Variants in CFAP77 observed in about 807,000 individuals in gnomAD.
CFAP77 encodes the protein cilia- and flagella-associated protein 77.
CFAP77 carries 25 observed loss-of-function variants against 31.1 expected under a neutral mutation model. The ratio of observed to expected loss-of-function variants is 0.80; its 90% CI spans 0.59 to 1.12. The LOEUF is 1.12. Ranked by LOEUF, CFAP77 falls within the 50% of genes most tolerant of loss-of-function variation. The pLI, the probability that CFAP77 is intolerant of heterozygous loss-of-function variation, is 0.00. For synonymous variants in CFAP77, 151 were observed against 159.9 expected (o/e 0.94, Z 0.42); for missense variants, 377 against 397.3 (o/e 0.95, Z 0.44).
intron 1 of CFAP77, among the ~76,000 whole-genome samples, chr9:132,422,995 G>A (rs1238144962): frequency 3.9e-5 from 6 of 152,184 alleles, no homozygotes; most frequent in African/African-American, 7.2e-5. Context: ...AGTCCGCCGC[G>A]CTCCGTATTT....
intron 1 of CFAP77, among the ~76,000 whole-genome samples, chr9:132,428,818 C>G (rs1338502795): frequency 1.3e-5 from 2 of 151,902 alleles, no homozygotes; most frequent in Non-Finnish European, 2.9e-5. Context: ...GAAGACCCCC[C>G]CCTGCTCTGC....
At chr9:132,451,151 A>T (rs575900319) in intron 1 of CFAP77, among the ~76,000 whole-genome samples, 2 of 152,224 alleles carry the variant, frequency 1.3e-5, no homozygotes, top group South Asian at 4.1e-4. Flanking sequence ...AGCCTGGCCA[A>T]CATGGTGAAA....
At chr9:132,441,771 A>G (rs1270242440) in intron 1 of CFAP77, among the ~76,000 whole-genome samples, 2 of 152,200 alleles carry the variant, frequency 1.3e-5, no homozygotes, top group Non-Finnish European at 1.5e-5. Context: ...ATCTTCTTCA[A>G]TGGCAAGGCT....
At chr9:132,482,693 G>A (rs927342361) in intron 1 of CFAP77, among the ~76,000 whole-genome samples, 3 of 151,284 alleles carry the variant, frequency 2.0e-5, no homozygotes, top group African/African-American at 4.9e-5. Context: ...TGTTGACATC[G>A]AGTGGGCGCT....
At chr9:132,519,556 A>G (rs188558012) in intron 3 of CFAP77, among the ~76,000 whole-genome samples, 1 of 98,152 alleles carries the variant, frequency 1.0e-5, no homozygotes, top group Non-Finnish European at 2.1e-5. Context: ...AGATGGATGA[A>G]TGGATGGATG....
At position 132,573,120 on chromosome 9, in the gene CFAP77, C is replaced by T. The variant is rs990864092; in HGVS notation, c.*610C>T. On this transcript the variant is annotated 3_prime_UTR_variant, in exon 6 of 6. Coordinates refer to ENST00000393216, the MANE Select transcript of CFAP77 (RefSeq NM_001282957.2). ...CAAGCAGGCCAAGTTGGACTCCTCC[C>T]CCAGGACTGACTTTGGAAGGTCAAC... 1 of 152,322 alleles carries T rather than the reference C, an allele frequency of 6.6e-6. No individual in the cohort carries two copies. Among genetic ancestry groups the T allele is most frequent in the Non-Finnish European group, 1.5e-5 (1 of 68,196 alleles). The allele number at this position is 152,322 out of a possible 1,614,324, so 9.4% of individuals were successfully genotyped here. A position where few individuals can be genotyped will look rare whatever the true frequency, so the allele number is the denominator to read the frequency against.
chr9:132,476,507 G>A (rs990889315), intron 1 of CFAP77, among the ~76,000 whole-genome samples: 5 of 152,166 alleles, frequency 3.3e-5, no homozygotes, highest in Non-Finnish European at 5.9e-5. Context: ...GCAGTGCTTG[G>A]TACTGGGATG....
chr9:132,483,491 G>A (rs1851486153), intron 1 of CFAP77, among the ~76,000 whole-genome samples: 1 of 152,098 alleles, frequency 6.6e-6, no homozygotes, highest in Non-Finnish European at 1.5e-5. Context: ...CGGTGCAGAC[G>A]AGGCTGACGC....
rs545082562 is a variant in CFAP77, at chr9:132,448,317, G to A, written c.195+37851G>A. Among the ~76,000 whole-genome samples the A allele has an allele frequency of 1.7e-4, 26 of 152,294 alleles. No homozygotes were observed. The East Asian group carries it at 4.8e-3, about 28-fold the overall frequency. On this transcript the variant is annotated intron_variant, in intron 1 of 5. Coordinates refer to ENST00000393216, the MANE Select transcript of CFAP77 (RefSeq NM_001282957.2). ...TGGAATGACTCTCACATTCAATTAG[G>A]TTGATTAAAACACATCACTGCTGAG...
intron 3 of CFAP77, among the ~76,000 whole-genome samples, chr9:132,525,619 T>C (rs1231500286): frequency 1.3e-5 from 2 of 152,218 alleles, no homozygotes; most frequent in Admixed American, 6.5e-5. Flanking sequence ...CATGTGGGCA[T>C]GTGTGTATGT....
rs1851628166 is a variant in CFAP77, at chr9:132,490,121, AGACG to A, written c.196-8570_196-8567del. Reference sequence around the variant, plus strand: ...GACGAATGCCGTATCCTCGCATGACAGACGGACAGAAGGGGATAAAAAGGGCGAA... The same window carrying A: ...GACGAATGCCGTATCCTCGCATGACAGACAGAAGGGGATAAAAAGGGCGAA... On this transcript the variant is annotated intron_variant, in intron 1 of 5. Coordinates refer to ENST00000393216, the MANE Select transcript of CFAP77 (RefSeq NM_001282957.2). The surrounding 1 kb of genome is among the most constrained non-coding windows in gnomAD (Gnocchi z 4.6). 6.6e-6 allele frequency among the ~76,000 whole-genome samples: 1 copy of A among 152,102 alleles called. No homozygotes were observed. Among genetic ancestry groups the A allele is most frequent in the Non-Finnish European group, 1.5e-5 (1 of 68,018 alleles).
intron 4 of CFAP77, among the ~76,000 whole-genome samples, chr9:132,541,471 C>T (rs1030799176): frequency 2.0e-5 from 3 of 152,242 alleles, no homozygotes; most frequent in African/African-American, 7.2e-5. Flanking sequence ...CGCCTGAAAT[C>T]CCAGCACTTT....
chr9:132,540,928 G>A (rs894853982), intron 4 of CFAP77, among the ~76,000 whole-genome samples: 1 of 152,086 alleles, frequency 6.6e-6, no homozygotes, highest in African/African-American at 2.4e-5. Context: ...ATCACTTAGC[G>A]CATAGCAGGC....
At position 132,501,553 on chromosome 9, in the gene CFAP77, C is replaced by T. The variant is rs1165454221; in HGVS notation, c.524+1953C>T. On this transcript the variant is annotated intron_variant, in intron 3 of 5. Coordinates refer to ENST00000393216, the MANE Select transcript of CFAP77 (RefSeq NM_001282957.2). The surrounding 1 kb of genome is among the most constrained non-coding windows in gnomAD (Gnocchi z 4.6). Reference sequence around the variant, plus strand: ...GAGTAGCTGGGACTACAGGCGTGCACCAACACGCCTGGCCAATTTTTGTAT... The same window carrying T: ...GAGTAGCTGGGACTACAGGCGTGCATCAACACGCCTGGCCAATTTTTGTAT... Among the ~76,000 whole-genome samples the T allele has an allele frequency of 2.0e-5, 3 of 152,188 alleles. No homozygotes were observed. The highest frequency in any genetic ancestry group is 6.5e-5 in the Admixed American group (1 of 15,280).
chr9:132,540,980 C>A (rs1852630486), intron 4 of CFAP77, among the ~76,000 whole-genome samples: 1 of 152,156 alleles, frequency 6.6e-6, no homozygotes, highest in African/African-American at 2.4e-5. Context: ...AATCTTGCTC[C>A]AAGATTCTCT....
At chr9:132,427,768 C>A (rs1425695365) in intron 1 of CFAP77, among the ~76,000 whole-genome samples, 1 of 152,190 alleles carries the variant, frequency 6.6e-6, no homozygotes, top group East Asian at 1.9e-4. Flanking sequence ...TGACATTCTG[C>A]CTGTAAAGGT....
intron 1 of CFAP77, among the ~76,000 whole-genome samples, chr9:132,474,612 G>T (rs111761390): frequency 0.013 from 1,975 of 152,234 alleles, 38 homozygotes; most frequent in African/African-American, 0.046. Flanking sequence ...AGCTGCTGGG[G>T]GTTGGTGGCA....
At chr9:132,457,785 G>C (rs1850948168) in intron 1 of CFAP77, among the ~76,000 whole-genome samples, 1 of 152,252 alleles carries the variant, frequency 6.6e-6, no homozygotes, top group African/African-American at 2.4e-5. Context: ...AGGAGGCAGA[G>C]AGAGAAAGGG....
intron 1 of CFAP77, among the ~76,000 whole-genome samples, chr9:132,438,539 ATATTT>A (rs1349845124): frequency 8.7e-6 from 1 of 115,412 alleles, no homozygotes; most frequent in African/African-American, 4.1e-5. Flanking sequence ...ATATATATAT[ATATTT>A]TTTTTTTTTT....
Sources: allele counts gnomAD v4.1 joint callset (sites outside exome capture counted in the v4.1 genomes callset), GRCh38; gene constraint gnomAD v4.1.1; non-coding constraint Gnocchi (gnomAD v3.1); transcripts MANE v1.5; gene names NCBI Gene and HGNC (gene_info 2026-07-23, HGNC 2026-07-21).